FLI1: variants seen among roughly 807,000 people sequenced by gnomAD.
The protein encoded by FLI1 is Friend leukemia integration 1 transcription factor.
A neutral mutation model predicts 53.1 loss-of-function variants in FLI1; 13 were observed. That is an observed-to-expected ratio of 0.24 (90% CI 0.16 to 0.39). FLI1 has a LOEUF of 0.39. FLI1 is among the 10% of genes least tolerant of loss of function. The probability of loss-of-function intolerance (pLI) is 1.00; values close to 1 mark genes in which losing one functional copy is unlikely to be tolerated. For missense variants in FLI1, 424 were observed against 600.5 expected (o/e 0.71, Z 3.07); for synonymous variants, 244 against 236.7 (o/e 1.03, Z -0.28).
intron 1 of FLI1, among the ~76,000 whole-genome samples, chr11:128,704,693 C>T (rs1383586926): frequency 6.6e-6 from 1 of 152,154 alleles, no homozygotes; most frequent in African/African-American, 2.4e-5. Flanking sequence ...GTTCTATGGG[C>T]AAACACAGTC....
chr11:128,694,465 C>T (rs1937938100), intron 1 of FLI1, among the ~76,000 whole-genome samples, 189 bp downstream of exon 1: 1 of 148,052 alleles, frequency 6.8e-6, no homozygotes, highest in Non-Finnish European at 1.5e-5. Flanking sequence ...GCCAGGCGCC[C>T]GCATTGAGGG....
At chr11:128,755,117 T>C (rs2155136) in intron 1 of FLI1, among the ~76,000 whole-genome samples, 10,392 of 152,198 alleles carry the variant, frequency 0.068, 572 homozygotes, top group East Asian at 0.28. Context: ...GCATGTCCCC[T>C]TGGCCAGGAC....
intron 1 of FLI1, among the ~76,000 whole-genome samples, chr11:128,699,395 T>A (rs1475690740): frequency 6.6e-6 from 1 of 152,230 alleles, no homozygotes; most frequent in Non-Finnish European, 1.5e-5. Context: ...AACATTCCTT[T>A]TAAGTCTATA....
intron 5 of FLI1, among the ~76,000 whole-genome samples, chr11:128,787,163 T>C (rs1591812940): frequency 6.6e-6 from 1 of 152,140 alleles, no homozygotes; most frequent in Non-Finnish European, 1.5e-5. Flanking sequence ...GAGTCCTAGG[T>C]GGCAGGAGCC....
At chr11:128,807,671 G>C (rs1193714815) in intron 7 of FLI1, among the ~76,000 whole-genome samples, 1 of 152,208 alleles carries the variant, frequency 6.6e-6, no homozygotes, top group African/African-American at 2.4e-5. Context: ...TTAAGGCAGA[G>C]GAACTTTGAA....
At chr11:128,728,662 A>G (rs1413697978) in intron 1 of FLI1, among the ~76,000 whole-genome samples, 1 of 152,208 alleles carries the variant, frequency 6.6e-6, no homozygotes, top group Non-Finnish European at 1.5e-5. Context: ...CCAAACAAGG[A>G]GCAGAGTCAA....
At chr11:128,791,229 C>T (rs1440963405) in intron 5 of FLI1, among the ~76,000 whole-genome samples, 1 of 152,158 alleles carries the variant, frequency 6.6e-6, no homozygotes, top group African/African-American at 2.4e-5. Flanking sequence ...TAGGTTCTGA[C>T]CCAAAGACCT....
At chr11:128,741,503 T>C (rs1286886927) in intron 1 of FLI1, among the ~76,000 whole-genome samples, 1 of 152,194 alleles carries the variant, frequency 6.6e-6, no homozygotes, top group East Asian at 1.9e-4. Flanking sequence ...CTGTGGACTC[T>C]CTCTCCCGCC....
intron 3 of FLI1, among the ~76,000 whole-genome samples, chr11:128,768,695 A>T (rs1004565979): frequency 9.1e-4 from 138 of 151,326 alleles, no homozygotes; most frequent in Non-Finnish European, 1.8e-3. Context: ...TCTCAAAAAA[A>T]AAAAAAAAAA....
chr11:128,739,668 G>A (rs898128129), intron 1 of FLI1, among the ~76,000 whole-genome samples: 1 of 152,056 alleles, frequency 6.6e-6, no homozygotes, highest in East Asian at 1.9e-4. Context: ...TATTAGGGGG[G>A]AAAAATCCTT....
chr11:128,764,552 A>G lies in FLI1; in HGVS notation c.231-3566A>G, dbSNP rs575613825. On this transcript the variant is annotated intron_variant, in intron 2 of 8. Coordinates refer to ENST00000527786, the MANE Select transcript of FLI1 (RefSeq NM_002017.5). ...CCAGCCCCATGCTAGCTGTAAGTGC[A>G]GGTCTTAATACAAATTAGCAGCAGT... The G allele has an allele frequency of 1.4e-4, 153 of 1,091,262 alleles. 1 individual carries two copies. The South Asian group carries it at 1.9e-3, about 14-fold the overall frequency. The allele number at this position is 1,091,262 out of a possible 1,614,324, so 67.6% of individuals were successfully genotyped here. A position where few individuals can be genotyped will look rare whatever the true frequency, so the allele number is the denominator to read the frequency against.
Position 128,810,437 on chromosome 11 carries a change from C to A in FLI1, c.830-22C>A. 6.4e-7 allele frequency: 1 copy of A among 1,572,690 alleles called. No homozygotes were observed. Among genetic ancestry groups the A allele is most frequent in the Non-Finnish European group, 8.6e-7 (1 of 1,158,602 alleles). ...CTGGGCTGAGGTGTTCTGTTCTCTC[C>A]CGTTTGCCTCACGGCGTGCAGGAAG... On this transcript the variant is annotated intron_variant, in intron 8 of 8. Transcript: ENST00000527786. This position sits in a 1 kb window ranked among gnomAD's most constrained non-coding sequence, Gnocchi z 6.6.
intron 1 of FLI1, among the ~76,000 whole-genome samples, chr11:128,713,304 A>G (rs1938866147): frequency 6.6e-6 from 1 of 152,234 alleles, no homozygotes; most frequent in South Asian, 2.1e-4. Context: ...CAATAGTTTG[A>G]CAGTTCTGCA....
At chr11:128,790,253 A>ATTTT (rs34130629) in intron 5 of FLI1, among the ~76,000 whole-genome samples, 1,624 of 141,274 alleles carry the variant, frequency 0.011, 40 homozygotes, top group African/African-American at 0.04. Context: ...GGAGAGTTGC[A>ATTTT]TTTTTTTTTT....
intron 1 of FLI1, among the ~76,000 whole-genome samples, chr11:128,716,868 G>A (rs1158998203): frequency 2.0e-5 from 3 of 152,178 alleles, no homozygotes; most frequent in Admixed American, 6.5e-5. Context: ...CTAATGACTT[G>A]TTTACAGACC....
chr11:128,760,758 C>T (rs1254794346), intron 2 of FLI1, among the ~76,000 whole-genome samples: 2 of 152,056 alleles, frequency 1.3e-5, no homozygotes, highest in Non-Finnish European at 2.9e-5. Flanking sequence ...CAACTCCTGA[C>T]CTCATGATCC....
chr11:128,724,334 G>A (rs117746174), intron 1 of FLI1, among the ~76,000 whole-genome samples: 1,879 of 152,244 alleles, frequency 0.012, 19 homozygotes, highest in Non-Finnish European at 0.02. Flanking sequence ...ACATGGGATG[G>A]TGCCAGGCCA....
chr11:128,805,197 T>G, intron 5 of FLI1, 169 bp from the exon 6 acceptor site: 1 of 496,674 alleles, frequency 2.0e-6, no homozygotes, highest in South Asian at 3.3e-5. Flanking sequence ...AAAGTCAGAG[T>G]GTTAATATTC....
At chr11:128,797,246 A>C (rs889916733) in intron 5 of FLI1, among the ~76,000 whole-genome samples, 1 of 152,244 alleles carries the variant, frequency 6.6e-6, no homozygotes. Context: ...TATGGGGTTC[A>C]TCTCACCTTT....
Sources: gnomAD v4.1 joint callset for allele counts (sites outside exome capture counted in the v4.1 genomes callset) on GRCh38, gnomAD v4.1.1 for gene constraint, Gnocchi (gnomAD v3.1) non-coding constraint, MANE v1.5 for transcripts, NCBI Gene and HGNC (gene_info 2026-07-23, HGNC 2026-07-21) for gene names.